The following HNRNPM variants were observed in gnomAD, a reference collection of about 807,000 sequenced individuals.
The protein encoded by HNRNPM is heterogeneous nuclear ribonucleoprotein M.
Under a neutral mutation model 73.1 loss-of-function variants are expected in HNRNPM, and 11 were observed. The ratio of observed to expected loss-of-function variants is 0.15; its 90% CI spans 0.09 to 0.25. HNRNPM has a LOEUF of 0.25. Among genes scored for constraint, HNRNPM ranks in the 10% least tolerant of loss-of-function variants. The pLI, the probability that HNRNPM is intolerant of heterozygous loss-of-function variation, is 1.00. For missense variants in HNRNPM, 789 were observed against 1,067.9 expected (o/e 0.74, Z 3.64); for synonymous variants, 407 against 355.2 (o/e 1.15, Z -1.64).
chr19:8,446,055 C>G (rs560835265), intron 1 of HNRNPM, among the ~76,000 whole-genome samples: 3 of 152,284 alleles, frequency 2.0e-5, no homozygotes, highest in South Asian at 4.1e-4. Context: ...TTAAGAGAGA[C>G]AGAGAGGTTT....
At chr19:8,451,705 T>G (rs1968643008) in intron 1 of HNRNPM, among the ~76,000 whole-genome samples, 2 of 151,862 alleles carry the variant, frequency 1.3e-5, no homozygotes, top group Admixed American at 6.6e-5. Flanking sequence ...TTTTTTGTAT[T>G]TTTTTTGTAG....
At chr19:8,455,710 C>A in intron 2 of HNRNPM, 136 bp downstream of exon 2, 1 of 582,992 alleles carries the variant, frequency 1.7e-6, no homozygotes, top group Non-Finnish European at 3.0e-6. Context: ...AGTGAAGCCC[C>A]CTTACCCCAC....
intron 5 of HNRNPM, among the ~76,000 whole-genome samples, chr19:8,464,071 C>G (rs1014570859): frequency 6.6e-6 from 1 of 151,926 alleles, no homozygotes; most frequent in African/African-American, 2.4e-5. Context: ...ATGGTGAAAC[C>G]CCCTCTCTAC....
At chr19:8,464,293 T>A (rs1203362824) in intron 5 of HNRNPM, among the ~76,000 whole-genome samples, 2 of 152,020 alleles carry the variant, frequency 1.3e-5, no homozygotes, top group Admixed American at 6.6e-5. Flanking sequence ...TGCTTTCACA[T>A]CTCATCTGAA....
chr19:8,445,303 C>G (rs558496077), intron 1 of HNRNPM, 192 bp downstream of exon 1: 2 of 452,618 alleles, frequency 4.4e-6, no homozygotes, highest in South Asian at 1.5e-4. Context: ...AGAATCGTCC[C>G]CTACACCGGG....
intron 3 of HNRNPM, 78 bp from the exon 4 acceptor site, chr19:8,463,419 G>C: frequency 7.1e-7 from 1 of 1,405,928 alleles, no homozygotes; most frequent in South Asian, 1.2e-5. Flanking sequence ...GTTTATAACT[G>C]TCATTGATAT....
chr19:8,478,422 GA>G (rs1367005722), intron 12 of HNRNPM, among the ~76,000 whole-genome samples: 2 of 152,130 alleles, frequency 1.3e-5, no homozygotes, highest in Non-Finnish European at 2.9e-5. Context: ...TGGAGGACTT[GA>G]AAGAGACTTT....
chr19:8,469,970 A>G (rs189769994), intron 9 of HNRNPM, among the ~76,000 whole-genome samples: 3 of 152,338 alleles, frequency 2.0e-5, no homozygotes, highest in Admixed American at 6.5e-5. Flanking sequence ...TTAGTTAGAG[A>G]AGGATTGCAT....
At chr19:8,474,771 A>G (rs544884719) in intron 12 of HNRNPM, among the ~76,000 whole-genome samples, 17 of 148,874 alleles carry the variant, frequency 1.1e-4, no homozygotes, top group Admixed American at 2.0e-4. Context: ...CTGGAGTGCA[A>G]TGGTGCGATC....
intron 1 of HNRNPM, among the ~76,000 whole-genome samples, chr19:8,448,566 T>C (rs1968381904): frequency 1.3e-5 from 2 of 151,312 alleles, no homozygotes; most frequent in East Asian, 3.9e-4. Context: ...CGTGAACCGC[T>C]TCCCGGGTTC....
At chr19:8,465,262 T>C in intron 5 of HNRNPM, 62 bp from the exon 6 acceptor site, 4 of 1,292,712 alleles carry the variant, frequency 3.1e-6, no homozygotes, top group Non-Finnish European at 3.2e-6. Flanking sequence ...TCATTTACTG[T>C]GCAAGCATGG....
chr19:8,485,243 C>G (rs896908966), intron 13 of HNRNPM, among the ~76,000 whole-genome samples: 4 of 151,992 alleles, frequency 2.6e-5, no homozygotes, highest in African/African-American at 7.3e-5. Context: ...CATGCCTCCC[C>G]CTGGAGCATT....
intron 9 of HNRNPM, 39 bp downstream of exon 9, chr19:8,468,873 G>C (rs769410529): frequency 1.3e-6 from 2 of 1,491,884 alleles, no homozygotes; most frequent in South Asian, 1.1e-5. Context: ...GTTTGAATTG[G>C]AGTTACACTA....
At chr19:8,474,072 G>C in intron 11 of HNRNPM, 95 bp from the exon 12 acceptor site, 1 of 863,428 alleles carries the variant, frequency 1.2e-6, no homozygotes, top group Non-Finnish European at 1.8e-6. Flanking sequence ...CTTGGCAGAA[G>C]ATACCCCAGT....
At chr19:8,484,317 C>A (rs139237031) in intron 13 of HNRNPM, among the ~76,000 whole-genome samples, 15 of 152,210 alleles carry the variant, frequency 9.9e-5, no homozygotes, top group African/African-American at 3.1e-4. Context: ...GCTGGGACTA[C>A]GGGCGCACGC....
intron 10 of HNRNPM, among the ~76,000 whole-genome samples, chr19:8,473,071 T>C (rs1282373419): frequency 1.3e-5 from 2 of 151,968 alleles, no homozygotes; most frequent in African/African-American, 4.8e-5. Context: ...CTAGGCGACA[T>C]AGACTCCATC....
intron 12 of HNRNPM, among the ~76,000 whole-genome samples, chr19:8,481,257 C>G (rs1970897326): frequency 6.6e-6 from 1 of 152,190 alleles, no homozygotes; most frequent in African/African-American, 2.4e-5. Flanking sequence ...GGGACATCGC[C>G]AGAGGTCTGT....
At chr19:8,447,767 C>T (rs986024195) in intron 1 of HNRNPM, among the ~76,000 whole-genome samples, 1 of 152,200 alleles carries the variant, frequency 6.6e-6, no homozygotes, top group Non-Finnish European at 1.5e-5. Flanking sequence ...CGGCTCACGC[C>T]TGTAATCTCA....
At chr19:8,478,198 AT>A (rs1970652261) in intron 12 of HNRNPM, among the ~76,000 whole-genome samples, 1 of 152,114 alleles carries the variant, frequency 6.6e-6, no homozygotes, top group African/African-American at 2.4e-5. Context: ...TGATGGACTT[AT>A]GTTAGGTAGG....
Sources: allele counts gnomAD v4.1 joint callset (sites outside exome capture counted in the v4.1 genomes callset), GRCh38; gene constraint gnomAD v4.1.1; transcripts MANE v1.5; gene names NCBI Gene and HGNC (gene_info 2026-07-23, HGNC 2026-07-21).